Variants in SHTN1 observed in about 807,000 individuals in gnomAD.
SHTN1 encodes shootin 1.
A neutral mutation model predicts 83.1 loss-of-function variants in SHTN1; 42 were observed. That is an observed-to-expected ratio of 0.51 (90% CI 0.39 to 0.65). SHTN1 has a LOEUF of 0.65. SHTN1 is among the 30% of genes least tolerant of loss of function. The probability of loss-of-function intolerance (pLI) is 0.00; values close to 1 mark genes in which losing one functional copy is unlikely to be tolerated. For missense variants in SHTN1, 622 were observed against 737.8 expected, an observed-to-expected ratio of 0.84 and a Z score of 1.82; for synonymous variants, 224 against 247.7, an observed-to-expected ratio of 0.90 and a Z score of 0.90.
rs965182080 is a variant in SHTN1, at chr10:116,946,415, T to C, written c.617-1397A>G. Among the ~76,000 whole-genome samples the C allele has an allele frequency of 5.5e-5, 8 of 146,398 alleles. No homozygotes were observed. The East Asian group carries it at 7.8e-4, about 14-fold the overall frequency. ...TTTATGTATAAAAATATATGTATTA[T>C]ATATAATATTAAATGTAAATAAATG... is the stretch of plus-strand genomic sequence containing the variant. On this transcript the variant is annotated intron_variant, in intron 7 of 16. Coordinates refer to ENST00000355371, the MANE Select transcript of SHTN1 (RefSeq NM_001127211.3).
At chr10:117,032,909 T>C (rs1290532435) in intron 2 of SHTN1, among the ~76,000 whole-genome samples, 3 of 152,126 alleles carry the variant, frequency 2.0e-5, no homozygotes, top group Non-Finnish European at 4.4e-5. Context: ...TACAAATACA[T>C]GTAAATTAAT....
At chr10:116,935,322 A>T (rs1341671389) in intron 9 of SHTN1, among the ~76,000 whole-genome samples, 1 of 152,172 alleles carries the variant, frequency 6.6e-6, no homozygotes, top group African/African-American at 2.4e-5. Context: ...AGCTCTTATT[A>T]TTTTGAGATA....
intron 1 of SHTN1, among the ~76,000 whole-genome samples, chr10:117,000,591 A>G (rs1366199569): frequency 6.6e-6 from 1 of 152,160 alleles, no homozygotes. Flanking sequence ...TTAAATAGCC[A>G]TCTCTCTTCA....
chr10:117,100,165 G>GA (rs989226151), intron 1 of SHTN1, among the ~76,000 whole-genome samples: 1 of 152,058 alleles, frequency 6.6e-6, no homozygotes, highest in Non-Finnish European at 1.5e-5. Flanking sequence ...CAACAACAGC[G>GA]AAACTCCGTC....
intron 5 of SHTN1, among the ~76,000 whole-genome samples, chr10:116,953,357 C>T (rs1849842344): frequency 6.6e-6 from 1 of 152,106 alleles, no homozygotes; most frequent in African/African-American, 2.4e-5. Flanking sequence ...AATATCTTGA[C>T]ATATAGTACA....
intron 1 of SHTN1, among the ~76,000 whole-genome samples, chr10:116,983,363 G>T (rs1851098487): frequency 6.6e-6 from 1 of 152,078 alleles, no homozygotes; most frequent in African/African-American, 2.4e-5. Flanking sequence ...TATGACAAAG[G>T]AAGTGTCCTG....
At chr10:117,018,003 A>G (rs547280726) in intron 2 of SHTN1, among the ~76,000 whole-genome samples, 13 of 152,218 alleles carry the variant, frequency 8.5e-5, no homozygotes, top group Non-Finnish European at 1.8e-4. Context: ...CGAAACTGCT[A>G]AGACCACAGA....
chr10:116,921,141 A>G (rs1452395263), intron 12 of SHTN1, among the ~76,000 whole-genome samples: 1 of 152,050 alleles, frequency 6.6e-6, no homozygotes, highest in Non-Finnish European at 1.5e-5. Flanking sequence ...CTTGCCCCAA[A>G]TCCCTCATTT....
At chr10:117,025,935 C>T (rs7079710) in intron 2 of SHTN1, among the ~76,000 whole-genome samples, 8,424 of 152,190 alleles carry the variant, frequency 0.055, 682 homozygotes, top group African/African-American at 0.17. Context: ...ATGTCGAGGG[C>T]CTTGGGTGAG....
At chr10:117,054,706 C>T (rs1852802279) in intron 1 of SHTN1, among the ~76,000 whole-genome samples, 1 of 151,876 alleles carries the variant, frequency 6.6e-6, no homozygotes, top group Admixed American at 6.6e-5. Context: ...CGCACCTGGC[C>T]AGCATCCTTA....
In SHTN1 at chr10:116,885,380, T is replaced by G. The variant is rs1847135147; in HGVS notation, c.*964A>C. On this transcript the variant is annotated 3_prime_UTR_variant, in exon 17 of 17. Coordinates refer to ENST00000355371, the MANE Select transcript of SHTN1 (RefSeq NM_001127211.3). ...GTTTTTTTTTTAATCCCTGATTACA[T>G]TTCTATTTATTCACTGTGGTAGCCT... is the stretch of plus-strand genomic sequence containing the variant. 1 of 152,628 alleles carries G rather than the reference T, an allele frequency of 6.6e-6. No individual in the cohort carries two copies. Among genetic ancestry groups the G allele is most frequent in the Non-Finnish European group, 1.5e-5 (1 of 68,030 alleles). 9.5% of individuals were successfully genotyped at this position (152,628 alleles called of 1,614,324 possible).
chr10:116,954,305 C>T, intron 4 of SHTN1, 95 bp from the exon 5 acceptor site: 1 of 749,028 alleles, frequency 1.3e-6, no homozygotes, highest in East Asian at 2.8e-5. Context: ...TTTTGTCTTA[C>T]ATATTCATCA....
At chr10:117,065,145 G>A (rs1268880840) in intron 1 of SHTN1, among the ~76,000 whole-genome samples, 1 of 152,084 alleles carries the variant, frequency 6.6e-6, no homozygotes, top group African/African-American at 2.4e-5. Context: ...ATCACACACT[G>A]GGGCCTGTAG....
In SHTN1 at chr10:116,917,130, A is replaced by AATTC. The variant is rs1201134913; in HGVS notation, c.1196-1650_1196-1647dup. Among the ~76,000 whole-genome samples the AATTC allele has an allele frequency of 3.9e-5, 6 of 152,264 alleles. No individual in the cohort carries two copies. In the East Asian group the frequency reaches 1.2e-3, roughly 29 times the overall value. On this transcript the variant is annotated intron_variant, in intron 12 of 16. Transcript: ENST00000355371. ...AGATAAGTAAATTATGATGGGTAGAAATTCATTCATTCATTCAATCATTCA... is the reference window on the plus strand; with the variant it reads ...AGATAAGTAAATTATGATGGGTAGAAATTCATTCATTCATTCATTCAATCATTCA...
In SHTN1 at chr10:116,884,158, C is replaced by T. The variant is rs982469781; in HGVS notation, c.*2186G>A. The T allele has an allele frequency of 8.8e-6, 4 of 452,306 alleles. No homozygotes were observed. In the Admixed American group the frequency reaches 9.5e-5, roughly 11 times the overall value. The allele number at this position is 452,306 out of a possible 1,614,324, so 28.0% of individuals were successfully genotyped here. A position where few individuals can be genotyped will look rare whatever the true frequency, so the allele number is the denominator to read the frequency against. On this transcript the variant is annotated 3_prime_UTR_variant, in exon 17 of 17. Transcript: ENST00000355371. ...CCAACTTAAAATTGTGTAAGCAGGACGTATGTAAGTTTTGTGTGTGCAATA... is the reference window on the plus strand; with the variant it reads ...CCAACTTAAAATTGTGTAAGCAGGATGTATGTAAGTTTTGTGTGTGCAATA...
At chr10:116,944,056 T>G (rs1416555943) in intron 8 of SHTN1, among the ~76,000 whole-genome samples, 2 of 152,172 alleles carry the variant, frequency 1.3e-5, no homozygotes, top group Non-Finnish European at 2.9e-5. Flanking sequence ...ATGAATGTAC[T>G]ACATGGCAGT....
At chr10:117,022,519 T>G (rs958982677) in intron 2 of SHTN1, among the ~76,000 whole-genome samples, 1 of 152,044 alleles carries the variant, frequency 6.6e-6, no homozygotes, top group African/African-American at 2.4e-5. Context: ...AGGATTGCAA[T>G]ATGCCATGAA....
Position 116,901,897 on chromosome 10 carries a change from G to C in SHTN1, c.1541C>G (p.Ser514Cys). The C allele has an allele frequency of 6.2e-7, 1 of 1,607,516 alleles. No homozygotes were observed. The highest frequency in any genetic ancestry group is 8.5e-7 in the Non-Finnish European group (1 of 1,177,714). Reference protein sequence around the residue: ...SKSMPVLGSVSSVTKTALNKK... With the variant: ...SKSMPVLGSVCSVTKTALNKK... ...GTTCAAGGCTGTTTTTGTTACACTG[G>C]ATACAGAACCCAACACTGGCATGGA... The change falls in exon 16 of 17, where the codon TCC becomes TGC. Residue 514 changes from serine to cysteine, a missense_variant. Physicochemically the swap from Ser to Cys is moderately radical, Grantham distance 112. Coordinates refer to ENST00000355371, the MANE Select transcript of SHTN1 (RefSeq NM_001127211.3).
intron 16 of SHTN1, among the ~76,000 whole-genome samples, chr10:116,887,469 A>G (rs1241794066): frequency 6.6e-6 from 1 of 152,078 alleles, no homozygotes; most frequent in African/African-American, 2.4e-5. Context: ...GTCCCTGAGA[A>G]CTGGCTGTTA....
Sources: allele counts gnomAD v4.1 joint callset (sites outside exome capture counted in the v4.1 genomes callset), GRCh38; gene constraint gnomAD v4.1.1; transcripts MANE v1.5; gene names NCBI Gene and HGNC (gene_info 2026-07-23, HGNC 2026-07-21).